The following INAFM2 variants were observed in gnomAD, a reference collection of about 807,000 sequenced individuals.
The protein encoded by INAFM2 is InaF motif containing 2.
A neutral mutation model predicts 5.6 loss-of-function variants in INAFM2; 3 were observed. The ratio of observed to expected loss-of-function variants is 0.54; its 90% confidence interval spans 0.24 to 1.39. INAFM2 has a LOEUF of 1.39. Among genes scored for constraint, INAFM2 ranks in the 40% most tolerant of loss-of-function variants. The pLI is 0.16. For synonymous variants in INAFM2, 113 were observed against 109.1 expected, an observed-to-expected ratio of 1.04 and a Z score of -0.22; for missense variants, 186 against 217.5, an observed-to-expected ratio of 0.86 and a Z score of 0.91.
At position 40,325,253 on chromosome 15, in the gene INAFM2, T is replaced by G. The variant is rs1888771104; in HGVS notation, c.*736T>G. The G allele has an allele frequency of 1.3e-5, 2 of 152,240 alleles. No homozygotes were observed. Among genetic ancestry groups the G allele is most frequent in the Non-Finnish European group, 2.9e-5 (2 of 68,060 alleles). 9.4% of individuals were successfully genotyped at this position (152,240 alleles called of 1,614,324 possible). ...CTTTCACAAAAGAGTATAATCATTC[T>G]TAGACTGTTGACATGGCTGTGGAAA... On this transcript the variant is annotated 3_prime_UTR_variant, in exon 1 of 1. Coordinates refer to ENST00000638170, the MANE Select transcript of INAFM2 (RefSeq NM_001301268.2).
rs545189533 is a variant in INAFM2 at position 40,324,604 on chromosome 15, G to C, written c.*87G>C. On this transcript the variant is annotated 3_prime_UTR_variant, in exon 1 of 1. Transcript: ENST00000638170. ...AGCAGGATGGGGTGGAGAGCCCGCG[G>C]GAGTGACCCCCACGAGAGTGAACGC... is the stretch of plus-strand genomic sequence containing the variant. The C allele has an allele frequency of 6.7e-4, 657 of 981,438 alleles. 1 individual carries two copies. In the African/African-American group the frequency reaches 0.01, roughly 16 times the overall value. The allele number at this position is 981,438 out of a possible 1,614,324, so 60.8% of individuals were successfully genotyped here. A position where few individuals can be genotyped will look rare whatever the true frequency, so the allele number is the denominator to read the frequency against.
In INAFM2 at chr15:40,324,084, A is replaced by C; in HGVS notation, c.29A>C (p.Glu10Ala). The C allele has an allele frequency of 8.1e-7, 1 of 1,229,390 alleles. No individual in the cohort carries two copies. Among genetic ancestry groups the C allele is most frequent in the African/African-American group, 1.6e-5 (1 of 64,332 alleles). The allele number at this position is 1,229,390 out of a possible 1,614,324, so 76.2% of individuals were successfully genotyped here. Reference sequence around the variant, plus strand: ...AAGGAGCGCGACGCGGCCCCGGCCGAGCGGGGCAAGCCGGCCACCTACACC... The same window carrying C: ...AAGGAGCGCGACGCGGCCCCGGCCGCGCGGGGCAAGCCGGCCACCTACACC... MKERDAAPA[E>A]RGKPATYTGD... Residue 10 changes from glutamate to alanine, a missense_variant, in exon 1 of 1, where the codon GAG becomes GCG. This residue lies in a region of INAFM2 where 38 missense variants were observed against 77.3 expected (regional missense o/e 0.49). Coordinates refer to ENST00000638170, the MANE Select transcript of INAFM2 (RefSeq NM_001301268.2).
chr15:40,324,845 G>T lies in INAFM2; in HGVS notation c.*328G>T. On this transcript the variant is annotated 3_prime_UTR_variant, in exon 1 of 1. Coordinates refer to ENST00000638170, the MANE Select transcript of INAFM2 (RefSeq NM_001301268.2). ...TCGCTCTGGTGTATCCTACATGCAG[G>T]GGTGACTGGGGCTTTCCCCCAAGAC... 1 of 218,324 alleles carries T rather than the reference G, an allele frequency of 4.6e-6. No homozygotes were observed. 13.5% of individuals were successfully genotyped at this position (218,324 alleles called of 1,614,324 possible).
Sources: gnomAD v4.1 joint callset for allele counts on GRCh38, gnomAD v4.1.1 for gene constraint, gnomAD v4.1.1 regional missense constraint, MANE v1.5 for transcripts, NCBI Gene and HGNC (gene_info 2026-07-23, HGNC 2026-07-21) for gene names.